The following RAVER2 variants were observed in gnomAD, a reference collection of about 807,000 sequenced individuals.
RAVER2 encodes the protein ribonucleoprotein PTB-binding 2.
Under a neutral mutation model 78.1 loss-of-function variants are expected in RAVER2, and 46 were observed. The ratio of observed to expected loss-of-function variants is 0.59; its 90% confidence interval spans 0.46 to 0.75. The LOEUF (loss-of-function observed/expected upper bound fraction) is 0.75. RAVER2 is among the 30% of genes least tolerant of loss of function. The pLI is 0.00. For missense variants in RAVER2, 793 were observed against 837.5 expected, an observed-to-expected ratio of 0.95 and a Z score of 0.66; for synonymous variants, 311 against 313.3, an observed-to-expected ratio of 0.99 and a Z score of 0.08.
chr1:64,810,753 C>T (rs1433992339), intron 9 of RAVER2, among the ~76,000 whole-genome samples: 1 of 152,062 alleles, frequency 6.6e-6, no homozygotes, highest in Non-Finnish European at 1.5e-5. Flanking sequence ...AAAGTTTCTG[C>T]CCATTTTAAA....
chr1:64,745,418 C>G lies in RAVER2; in HGVS notation c.246C>G (p.Cys82Trp), dbSNP rs1413428507. Residue 82 changes from cysteine (C) to tryptophan (W), a missense_variant, in exon 1 of 12, where the codon TGC becomes TGG. Coordinates refer to ENST00000294428, the Ensembl canonical transcript of RAVER2. The surrounding 1 kb of genome is among the most constrained non-coding windows in gnomAD (Gnocchi z 4.3). The stretch of plus-strand genomic sequence containing the variant: ...AAAACCTGCCCCAGGACAGCAACTG[C>G]CAGGTACTGGGACGGTGATAGGGGC... The G allele has an allele frequency of 2.0e-6, 3 of 1,531,628 alleles. No homozygotes were observed. 94.9% of individuals were successfully genotyped at this position (1,531,628 alleles called of 1,614,324 possible). A position where few individuals can be genotyped will look rare whatever the true frequency, so the allele number is the denominator to read the frequency against.
chr1:64,791,101 G>A (rs945495214), intron 5 of RAVER2, among the ~76,000 whole-genome samples: 1 of 152,160 alleles, frequency 6.6e-6, no homozygotes, highest in Non-Finnish European at 1.5e-5. Context: ...ATTATAAAGA[G>A]CACAGGCAAG....
chr1:64,808,194 A>G (rs1211712445), intron 9 of RAVER2, among the ~76,000 whole-genome samples: 1 of 152,148 alleles, frequency 6.6e-6, no homozygotes, highest in Non-Finnish European at 1.5e-5. Flanking sequence ...TACCACTGAT[A>G]TTTATAAATG....
intron 1 of RAVER2, among the ~76,000 whole-genome samples, chr1:64,766,566 T>G (rs1371855084): frequency 1.3e-5 from 2 of 152,184 alleles, no homozygotes; most frequent in African/African-American, 4.8e-5. Flanking sequence ...TATGGGTGTT[T>G]TCAACATAAC....
At chr1:64,763,525 T>C (rs1652082307) in intron 1 of RAVER2, among the ~76,000 whole-genome samples, 2 of 152,052 alleles carry the variant, frequency 1.3e-5, no homozygotes, top group African/African-American at 2.4e-5. Context: ...GGCTAGAAAG[T>C]AGAGCAATTG....
At position 64,745,456 on chromosome 1, in the gene RAVER2, G is replaced by C. The variant is rs1651501731; in HGVS notation, c.249+35G>C. 6.7e-7 allele frequency: 1 copy of C among 1,482,464 alleles called. No homozygotes were observed. The highest frequency in any genetic ancestry group is 2.8e-5 in the East Asian group (1 of 35,208). 91.8% of individuals were successfully genotyped at this position (1,482,464 alleles called of 1,614,324 possible). Reference sequence around the variant, plus strand: ...CGGTGATAGGGGCGACGCGTCCCGAGGGGCGGCGGGGCGGCGCTCCGTGTC... The same window carrying C: ...CGGTGATAGGGGCGACGCGTCCCGACGGGCGGCGGGGCGGCGCTCCGTGTC... On this transcript the variant is annotated intron_variant, in intron 1 of 11. Transcript: ENST00000294428. The surrounding 1 kb of genome is among the most constrained non-coding windows in gnomAD (Gnocchi z 4.3).
At chr1:64,807,503 T>G (rs2100878353) in intron 9 of RAVER2, 29 bp downstream of exon 9, 3 of 1,601,068 alleles carry the variant, frequency 1.9e-6, no homozygotes, top group Middle Eastern at 1.7e-4. Context: ...CACACAGATG[T>G]ATATATACAT....
At chr1:64,749,883 A>G (rs1344227569) in intron 1 of RAVER2, among the ~76,000 whole-genome samples, 1 of 152,220 alleles carries the variant, frequency 6.6e-6, no homozygotes, top group Admixed American at 6.5e-5. Flanking sequence ...GGGTTTCAAA[A>G]TGGAGAAAAC....
In RAVER2 at chr1:64,804,060, C is replaced by T. The variant is rs72918101; in HGVS notation, c.1192-674C>T. Reference sequence around the variant, plus strand: ...CCCACTACAACAGCCTGGTTTTGGTCCTCAAAGGACCTTGTTTTTTCCTCC... The same window carrying T: ...CCCACTACAACAGCCTGGTTTTGGTTCTCAAAGGACCTTGTTTTTTCCTCC... On this transcript the variant is annotated intron_variant, in intron 6 of 11. Coordinates refer to ENST00000294428, the Ensembl canonical transcript of RAVER2. 5.6e-3 allele frequency among the ~76,000 whole-genome samples: 853 copies of T among 152,262 alleles called. 6 individuals are homozygous for T. The highest frequency in any genetic ancestry group is 0.02 in the African/African-American group (821 of 41,538).
intron 4 of RAVER2, among the ~76,000 whole-genome samples, chr1:64,788,731 G>A (rs1361908656): frequency 6.7e-6 from 1 of 149,242 alleles, no homozygotes; most frequent in African/African-American, 2.5e-5. Context: ...GGCGGAGCTT[G>A]CAGTGAGTCG....
intron 11 of RAVER2, among the ~76,000 whole-genome samples, chr1:64,827,224 G>C (rs530916114): frequency 1.5e-4 from 23 of 152,148 alleles, no homozygotes; most frequent in South Asian, 6.2e-4. Context: ...TTGTTTTCTT[G>C]GTGAAATAGA....
chr1:64,779,250 A>G (rs1236476118), intron 3 of RAVER2, among the ~76,000 whole-genome samples: 1 of 151,982 alleles, frequency 6.6e-6, no homozygotes, highest in Non-Finnish European at 1.5e-5. Flanking sequence ...ATCTAACTGA[A>G]ATGTTGCATC....
intron 4 of RAVER2, among the ~76,000 whole-genome samples, chr1:64,785,093 C>CA (rs141599272): frequency 0.021 from 3,215 of 152,278 alleles, 131 homozygotes; most frequent in African/African-American, 0.074. Flanking sequence ...CTTAGCATGG[C>CA]ATGCAGGCCC....
chr1:64,764,611 C>T (rs1186431718), intron 1 of RAVER2, among the ~76,000 whole-genome samples: 2 of 152,142 alleles, frequency 1.3e-5, no homozygotes, highest in Admixed American at 6.5e-5. Flanking sequence ...AACACAATGA[C>T]TCATCACACT....
chr1:64,763,238 A>G (rs1399190607), intron 1 of RAVER2, among the ~76,000 whole-genome samples: 1 of 152,136 alleles, frequency 6.6e-6, no homozygotes, highest in East Asian at 1.9e-4. Context: ...TGGAGCTTGC[A>G]GTGAGCCGAG....
In RAVER2 at chr1:64,777,805, A is replaced by T. The variant is rs1473909782; in HGVS notation, c.499A>T (p.Asn167Tyr). 1.9e-6 allele frequency: 3 copies of T among 1,613,990 alleles called. No homozygotes were observed. The African/African-American group carries it at 4.0e-5, about 22-fold the overall frequency. The change falls in exon 3 of 12, where the codon AAT becomes TAT. Residue 167 changes from asparagine (N) to tyrosine (Y), a missense_variant. Asn to Tyr is a moderately radical substitution (Grantham distance 143, BLOSUM62 -2). Transcript: ENST00000294428. ...TGAAGAACTTGTTCGTGCTTATGGA[A>T]ATATTGAGAGATGTTTTCTGGTCTA...
Position 64,808,082 on chromosome 1 carries a change from C to T in RAVER2, c.1680+608C>T, listed in dbSNP as rs369355740. Reference sequence around the variant, plus strand: ...ATTTAAAGGCAGAACCAATTTTATCCGGAAAATATCAAAACCAGCTATTAA... The same window carrying T: ...ATTTAAAGGCAGAACCAATTTTATCTGGAAAATATCAAAACCAGCTATTAA... On this transcript the variant is annotated intron_variant, in intron 9 of 11. Transcript: ENST00000294428. 2.8e-4 allele frequency among the ~76,000 whole-genome samples: 42 copies of T among 152,094 alleles called. 7 individuals are homozygous for T. The highest frequency in any genetic ancestry group is 4.6e-4 in the Admixed American group (7 of 15,274).
chr1:64,805,035 T>A, exon 8 of RAVER2: 1 of 1,614,074 alleles, frequency 6.2e-7, no homozygotes. Context: ...TACTTCAGAC[T>A]GCACTAGGGA....
exon 8 of RAVER2, chr1:64,805,068 A>C: frequency 1.2e-6 from 2 of 1,614,130 alleles, no homozygotes; most frequent in Non-Finnish European, 1.7e-6. Context: ...TTCCATTGAA[A>C]AAGGAGTTGG....
Sources: gnomAD v4.1 joint callset for allele counts (sites outside exome capture counted in the v4.1 genomes callset) on GRCh38, gnomAD v4.1.1 for gene constraint, Gnocchi (gnomAD v3.1) non-coding constraint, MANE v1.5 for transcripts, NCBI Gene and HGNC (gene_info 2026-07-23, HGNC 2026-07-21) for gene names.